Variants in RNF17 observed in about 807,000 individuals in gnomAD.
RNF17 encodes the protein ring finger protein 17, also known as spermatogenesis associated 23.
A neutral mutation model predicts 200.5 loss-of-function variants in RNF17; 31 were observed. The ratio of observed to expected loss-of-function variants is 0.15; its 90% confidence interval spans 0.12 to 0.21. The LOEUF (loss-of-function observed/expected upper bound fraction) is 0.21, where lower values mean the gene tolerates loss of function less well. Among genes scored for constraint, RNF17 ranks in the 10% least tolerant of loss-of-function variants. The pLI, the probability that RNF17 is intolerant of heterozygous loss-of-function variation, is 1.00. For missense variants in RNF17, 1,628 were observed against 1,905.1 expected (o/e 0.85, Z 2.71); for synonymous variants, 606 against 637.8 (o/e 0.95, Z 0.75).
intron 15 of RNF17, among the ~76,000 whole-genome samples, chr13:24,813,285 A>T (rs1287861220): frequency 6.6e-6 from 1 of 152,084 alleles, no homozygotes; most frequent in Non-Finnish European, 1.5e-5. Flanking sequence ...TCAGCCTCCC[A>T]TATTGCTAGT....
At chr13:24,796,818 G>A (rs937539856) in intron 11 of RNF17, among the ~76,000 whole-genome samples, 3 of 152,110 alleles carry the variant, frequency 2.0e-5, no homozygotes, top group Non-Finnish European at 4.4e-5. Flanking sequence ...TTCTTATAAC[G>A]TTGACTGAAT....
downstream of RNF17, chr13:24,883,443 A>AAGT: frequency 7.9e-6 from 10 of 1,258,954 alleles, no homozygotes; most frequent in Non-Finnish European, 1.1e-5. Flanking sequence ...AACTACTGAA[A>AAGT]AGTAGCCTTT....
intron 22 of RNF17, among the ~76,000 whole-genome samples, chr13:24,845,697 G>A (rs1891184040): frequency 1.3e-5 from 2 of 152,180 alleles, no homozygotes. Context: ...AGGCTAATCT[G>A]AGAATAGCAG....
intron 31 of RNF17, among the ~76,000 whole-genome samples, chr13:24,870,196 C>T (rs144378614): frequency 3.9e-5 from 6 of 151,930 alleles, no homozygotes; most frequent in Admixed American, 3.3e-4. Context: ...GTCACCCTGC[C>T]GCGGCCTCCA....
chr13:24,764,888 G>GGTGT (rs57755622), intron 1 of RNF17, among the ~76,000 whole-genome samples: 1,460 of 134,144 alleles, frequency 0.011, 18 homozygotes, highest in African/African-American at 0.029. Context: ...CACCTTGTGG[G>GGTGT]GTGTGTGTGT....
At chr13:24,772,187 C>T (rs1432009940) in intron 2 of RNF17, among the ~76,000 whole-genome samples, 1 of 152,086 alleles carries the variant, frequency 6.6e-6, no homozygotes, top group African/African-American at 2.4e-5. Flanking sequence ...AGAGTTGGGT[C>T]TGTTTCAAGG....
chr13:24,883,378 T>A (rs757509530), downstream of RNF17: 1 of 1,577,900 alleles, frequency 6.3e-7, no homozygotes, highest in Non-Finnish European at 8.6e-7. Flanking sequence ...CACTGTAAAA[T>A]TTAAAAAAAA....
Position 24,853,962 on chromosome 13 carries a change from C to A in RNF17, c.3428C>A (p.Pro1143His), listed in dbSNP as rs138493427. The A allele has an allele frequency of 1.9e-6, 3 of 1,613,962 alleles. No homozygotes were observed. The highest frequency in any genetic ancestry group is 2.7e-5 in the African/African-American group (2 of 74,924). ...AACTGTATTAAAACTAACTTTGACC[C>A]TGACAAGAAAACTGCTGACATAATC... ...VTNCIKTNFD[P>H]DKKTADIISE... Residue 1143 changes from proline to histidine, a missense_variant, in exon 25 of 36, where the codon CCT (proline) becomes CAT (histidine). Pro to His is a moderately conservative substitution (Grantham distance 77). Coordinates refer to ENST00000255324, the MANE Select transcript of RNF17 (RefSeq NM_031277.3).
intron 30 of RNF17, among the ~76,000 whole-genome samples, chr13:24,866,631 A>C (rs1333350463): frequency 6.6e-6 from 1 of 152,246 alleles, no homozygotes; most frequent in African/African-American, 2.4e-5. Flanking sequence ...TTGCTGAATA[A>C]AATTCCATTG....
intron 2 of RNF17, among the ~76,000 whole-genome samples, chr13:24,773,352 C>T (rs1022308562): frequency 7.9e-5 from 12 of 152,186 alleles, no homozygotes; most frequent in African/African-American, 2.9e-4. Context: ...TACGTATACA[C>T]CACAGAATAC....
At chr13:24,877,210 T>G in intron 34 of RNF17, 24 bp downstream of exon 34, 3 of 1,584,802 alleles carry the variant, frequency 1.9e-6, no homozygotes, top group African/African-American at 2.7e-5. Flanking sequence ...GTAGCCAAAA[T>G]TATTGTAAAG....
At chr13:24,797,027 T>G (rs1197456023) in intron 11 of RNF17, among the ~76,000 whole-genome samples, 17 of 152,170 alleles carry the variant, frequency 1.1e-4, no homozygotes, top group Admixed American at 1.1e-3. Context: ...AAGAGTAGGA[T>G]CATCATATAC....
chr13:24,854,109 A>G lies in RNF17; in HGVS notation c.3575A>G (p.Asp1192Gly), dbSNP rs1324418221. ...VFEATVSCVGDDGTIFVVPKL... is the reference protein window; with the variant it reads ...VFEATVSCVGGDGTIFVVPKL... ...GAGGCAACAGTCAGCTGTGTTGGTG[A>G]TGATGGAACTATATTTGTAGTACCT... Residue 1192 changes from aspartate (D) to glycine (G), a missense_variant, in exon 25 of 36, where the codon GAT (aspartate) becomes GGT (glycine). Coordinates refer to ENST00000255324, the MANE Select transcript of RNF17 (RefSeq NM_031277.3). The G allele has an allele frequency of 6.2e-7, 1 of 1,613,734 alleles. No individual in the cohort carries two copies. Among genetic ancestry groups the G allele is most frequent in the Non-Finnish European group, 8.5e-7 (1 of 1,179,824 alleles).
At chr13:24,798,456 C>T (rs967469946) in intron 11 of RNF17, among the ~76,000 whole-genome samples, 34 of 152,176 alleles carry the variant, frequency 2.2e-4, no homozygotes, top group African/African-American at 6.8e-4. Context: ...TGCTTTTCAA[C>T]TATCCTGTTG....
chr13:24,864,978 A>G lies in RNF17; in HGVS notation c.4081A>G (p.Thr1361Ala), dbSNP rs746683158. 2.2e-5 allele frequency: 34 copies of G among 1,557,130 alleles called. No individual in the cohort carries two copies. Among genetic ancestry groups the G allele is most frequent in the African/African-American group, 5.6e-5 (4 of 71,806 alleles). ...CTATAAATACTGTACTTCTGAACAT[A>G]CTGAGGAGATGTTGAAAGAAGTAAG... ...AYYKYCTSEH[T>A]EEMLKEKPRS... is the part of the protein sequence containing the mutation. The change falls in exon 29 of 36, where the codon ACT (threonine) becomes GCT (alanine). Residue 1361 changes from threonine (T) to alanine (A), a missense_variant. Thr to Ala is a moderately conservative substitution (Grantham distance 58, BLOSUM62 0). This residue lies in a region of RNF17 where 609 missense variants were observed against 681.9 expected (regional missense o/e 0.89). Coordinates refer to ENST00000255324, the MANE Select transcript of RNF17 (RefSeq NM_031277.3).
At chr13:24,872,338 G>A (rs1199711368) in intron 32 of RNF17, among the ~76,000 whole-genome samples, 1 of 152,126 alleles carries the variant, frequency 6.6e-6, no homozygotes, top group Non-Finnish European at 1.5e-5. Flanking sequence ...TTATTCATTA[G>A]TCAAGTATTT....
At chr13:24,771,367 T>A (rs1306506814) in intron 2 of RNF17, among the ~76,000 whole-genome samples, 1 of 134,180 alleles carries the variant, frequency 7.5e-6, no homozygotes, top group African/African-American at 2.7e-5. Flanking sequence ...GGTGAATCCT[T>A]GCTATGTGGC....
rs894745793 is a variant in RNF17 at position 24,851,799 on chromosome 13, C to G, written c.3320+228C>G. ...TTAAGCCTGTTTACTGACATACTTG[C>G]TTTTGTAATTTCCCCTCTCCTTTGA... On this transcript the variant is annotated intron_variant, in intron 24 of 35. Transcript: ENST00000255324. Among the ~76,000 whole-genome samples the G allele has an allele frequency of 4.6e-5, 7 of 152,132 alleles. 1 individual carries two copies. Among genetic ancestry groups the G allele is most frequent in the South Asian group, 4.1e-4 (2 of 4,822 alleles).
chr13:24,888,253 A>G, the RNF17 span, among the ~76,000 whole-genome samples: 1 of 151,890 alleles, frequency 6.6e-6, no homozygotes, highest in Non-Finnish European at 1.5e-5. Context: ...AAGGAAAAAC[A>G]TACATTAAAA....
Sources: allele counts gnomAD v4.1 joint callset (sites outside exome capture counted in the v4.1 genomes callset), GRCh38; gene constraint gnomAD v4.1.1; regional missense constraint gnomAD v4.1.1; transcripts MANE v1.5; gene names NCBI Gene and HGNC (gene_info 2026-07-23, HGNC 2026-07-21).